SCAMP4: variants seen among roughly 807,000 people sequenced by gnomAD.
SCAMP4 encodes the protein secretory carrier membrane protein 4, also known as secretory carrier-associated membrane protein 4.
In SCAMP4, 19 loss-of-function variants were observed where a neutral mutation model predicts 32.1. That is an observed-to-expected ratio of 0.59 (90% confidence interval 0.41 to 0.87). The LOEUF (loss-of-function observed/expected upper bound fraction) is 0.87. Ranked by LOEUF, SCAMP4 falls within the 40% of genes least tolerant of loss-of-function variation. The probability of loss-of-function intolerance (pLI) is 0.00; values close to 1 mark genes in which losing one functional copy is unlikely to be tolerated. For missense variants in SCAMP4, 302 were observed against 309.0 expected, an observed-to-expected ratio of 0.98 and a Z score of 0.17; for synonymous variants, 152 against 132.7, an observed-to-expected ratio of 1.15 and a Z score of -1.00.
At chr19:1,915,342 C>G (rs2013696789) in intron 2 of SCAMP4, 2 of 461,806 alleles carry the variant, frequency 4.3e-6, no homozygotes, top group East Asian at 7.9e-5. Context: ...GGTCCCTCAC[C>G]CACTCATTTA....
At chr19:1,912,866 C>A in intron 1 of SCAMP4, 4 of 1,600,568 alleles carry the variant, frequency 2.5e-6, no homozygotes, top group Middle Eastern at 1.7e-4. Flanking sequence ...CCGCTGCCCC[C>A]CAGGCCGTCC....
intron 2 of SCAMP4, 41 bp downstream of exon 2, chr19:1,915,067 G>A: frequency 8.1e-6 from 13 of 1,612,816 alleles, no homozygotes; most frequent in Non-Finnish European, 1.1e-5. Context: ...AGCGTGGGCG[G>A]GAGGGAGATG....
In SCAMP4 at chr19:1,910,779, G is replaced by A. The variant is rs1454805868; in HGVS notation, c.-41-4200G>A. Among the ~76,000 whole-genome samples the A allele has an allele frequency of 1.6e-4, 24 of 151,724 alleles. 1 individual carries two copies. Among genetic ancestry groups the A allele is most frequent in the Admixed American group, 1.6e-3 (24 of 15,198 alleles). Reference sequence around the variant, plus strand: ...TTTAGTAGAGATGGGGTTTCACCATGTTGGTCAGGCTGGTCTCGATCTCGT... The same window carrying A: ...TTTAGTAGAGATGGGGTTTCACCATATTGGTCAGGCTGGTCTCGATCTCGT... On this transcript the variant is annotated intron_variant, in intron 1 of 6. Transcript: ENST00000316097.
chr19:1,917,106 C>T (rs147824138), intron 2 of SCAMP4, among the ~76,000 whole-genome samples: 193 of 152,308 alleles, frequency 1.3e-3, no homozygotes, highest in African/African-American at 4.4e-3. Context: ...TCAAAACCAG[C>T]CTGGCCAACA....
At chr19:1,922,309 G>C in intron 5 of SCAMP4, 3 of 957,318 alleles carry the variant, frequency 3.1e-6, no homozygotes, top group Non-Finnish European at 3.7e-6. Flanking sequence ...CCCCAGGCTG[G>C]AGAGCAACGG....
intron 5 of SCAMP4, chr19:1,921,996 G>A: frequency 1.0e-6 from 1 of 985,492 alleles, no homozygotes; most frequent in Non-Finnish European, 1.2e-6. Context: ...GACACATCCG[G>A]GGGTGTGGGT....
chr19:1,912,361 C>G lies in SCAMP4; in HGVS notation c.-41-2618C>G, dbSNP rs1053758336. 4.6e-6 allele frequency: 7 copies of G among 1,528,724 alleles called. No homozygotes were observed. The East Asian group carries it at 1.8e-4, about 39-fold the overall frequency. 94.7% of individuals were successfully genotyped at this position (1,528,724 alleles called of 1,614,324 possible). On this transcript the variant is annotated intron_variant, in intron 1 of 6. Coordinates refer to ENST00000316097, the MANE Select transcript of SCAMP4 (RefSeq NM_079834.4). ...AGCCGCGATGCCGGCAGCCCCCACG[C>G]CCTGGAGATGCTGCTTTGCCTGGCT... is the stretch of plus-strand genomic sequence containing the variant.
chr19:1,913,391 C>T (rs1415779005), intron 1 of SCAMP4: 12 of 617,818 alleles, frequency 1.9e-5, no homozygotes, highest in Admixed American at 1.6e-4. Flanking sequence ...TTTGTGTCCC[C>T]TCTGTCTCGC....
chr19:1,914,782 G>T (rs905330726), intron 1 of SCAMP4, among the ~76,000 whole-genome samples, 197 bp from the exon 2 acceptor site: 1 of 152,188 alleles, frequency 6.6e-6, no homozygotes, highest in African/African-American at 2.4e-5. Context: ...AGCATGGGTG[G>T]TGTGCACTGG....
Position 1,913,067 on chromosome 19 carries a change from C to T in SCAMP4, c.-41-1912C>T, listed in dbSNP as rs1252251861. On this transcript the variant is annotated intron_variant, in intron 1 of 6. Transcript: ENST00000316097. ...CCCTGGGCACCCGCTTCCGCATCCA[C>T]GCACGGCCCGACCTCAACCACCGCT... 1.2e-6 allele frequency: 2 copies of T among 1,602,282 alleles called. No individual in the cohort carries two copies. The highest frequency in any genetic ancestry group is 1.7e-4 in the Middle Eastern group (1 of 6,038).
intron 1 of SCAMP4, chr19:1,905,898 C>G (rs547771781): frequency 2.6e-5 from 4 of 152,370 alleles, no homozygotes; most frequent in Non-Finnish European, 4.4e-5. Flanking sequence ...TGGTACATCC[C>G]CAGAATTGAC....
At position 1,917,789 on chromosome 19, in the gene SCAMP4, G is replaced by A; in HGVS notation, c.103G>A (p.Val35Ile). 3 of 1,614,044 alleles carry A rather than the reference G, an allele frequency of 1.9e-6. No individual in the cohort carries two copies. Among genetic ancestry groups the A allele is most frequent in the Non-Finnish European group, 2.5e-6 (3 of 1,179,904 alleles). The change falls in exon 3 of 7, where the codon GTC becomes ATC. Residue 35 changes from valine (V) to isoleucine (I), a missense_variant. Physicochemically the swap from Val to Ile is conservative, Grantham distance 29. Transcript: ENST00000316097. Reference protein sequence around the residue: ...FSDEIPVEHQVLVKRIYRLWM... With the variant: ...FSDEIPVEHQILVKRIYRLWM... ...CGACGAGATCCCAGTGGAGCACCAGGTCCTGGTGAAGAGGATCTACCGGCT... is the reference window on the plus strand; with the variant it reads ...CGACGAGATCCCAGTGGAGCACCAGATCCTGGTGAAGAGGATCTACCGGCT...
intron 1 of SCAMP4, chr19:1,912,506 C>A (rs916948926): frequency 2.0e-6 from 3 of 1,495,552 alleles, no homozygotes; most frequent in African/African-American, 2.9e-5. Flanking sequence ...TGACCAGGGG[C>A]CAGTTCGAGG....
intron 5 of SCAMP4, chr19:1,921,108 C>T (rs978034141): frequency 1.0e-5 from 10 of 985,298 alleles, no homozygotes; most frequent in African/African-American, 1.7e-5. Context: ...ACTTCATGTC[C>T]ACCGTTGGCT....
At chr19:1,920,781 C>T (rs1420905989) in intron 5 of SCAMP4, 1 of 985,430 alleles carries the variant, frequency 1.0e-6, no homozygotes, top group African/African-American at 1.7e-5. Flanking sequence ...GGTGCGTCCC[C>T]AGCTCTCCCA....
In SCAMP4 at chr19:1,921,927, G is replaced by C. The variant is rs1266080698; in HGVS notation, c.396-1143G>C. 5.1e-6 allele frequency: 5 copies of C among 985,404 alleles called. No homozygotes were observed. In the African/African-American group the frequency reaches 8.7e-5, roughly 17 times the overall value. The allele number at this position is 985,404 out of a possible 1,614,324, so 61.0% of individuals were successfully genotyped here. A position where few individuals can be genotyped will look rare whatever the true frequency, so the allele number is the denominator to read the frequency against. On this transcript the variant is annotated intron_variant, in intron 5 of 6. Coordinates refer to ENST00000316097, the MANE Select transcript of SCAMP4 (RefSeq NM_079834.4). ...GCCAGCATCTTGCAGGGACGCGGCG[G>C]GGGGTACCGCGTGTGCGTGCATATC...
At chr19:1,916,865 T>G (rs1422631422) in intron 2 of SCAMP4, among the ~76,000 whole-genome samples, 3 of 152,220 alleles carry the variant, frequency 2.0e-5, no homozygotes, top group Non-Finnish European at 4.4e-5. Flanking sequence ...GGACTCGGCC[T>G]GCTGAGCCTG....
rs1226017022 is a variant in SCAMP4 at position 1,922,512 on chromosome 19, G to A, written c.396-558G>A. On this transcript the variant is annotated intron_variant, in intron 5 of 6. Coordinates refer to ENST00000316097, the MANE Select transcript of SCAMP4 (RefSeq NM_079834.4). ...GGCCTCCCAAAGTGCTGGGACGACA[G>A]GCGTAAGCCTCTGCGCCCGGCCTCC... 4 of 983,806 alleles carry A rather than the reference G, an allele frequency of 4.1e-6. No individual in the cohort carries two copies. In the Admixed American group the frequency reaches 2.5e-4, roughly 60 times the overall value. The allele number at this position is 983,806 out of a possible 1,614,324, so 60.9% of individuals were successfully genotyped here. A position where few individuals can be genotyped will look rare whatever the true frequency, so the allele number is the denominator to read the frequency against.
At chr19:1,905,946 A>G (rs916247597) in intron 1 of SCAMP4, 1 of 152,122 alleles carries the variant, frequency 6.6e-6, no homozygotes, top group African/African-American at 2.4e-5. Context: ...TGAGTTTTTC[A>G]GGTTTTTGTA....
Sources: allele counts gnomAD v4.1 joint callset (sites outside exome capture counted in the v4.1 genomes callset), GRCh38; gene constraint gnomAD v4.1.1; transcripts MANE v1.5; gene names NCBI Gene and HGNC (gene_info 2026-07-23, HGNC 2026-07-21).